Variants in IMMP2L observed in about 807,000 individuals in gnomAD.
The protein encoded by IMMP2L is mitochondrial inner membrane protease subunit 2.
In IMMP2L, 18 loss-of-function variants were observed where a neutral mutation model predicts 19.3. The ratio of observed to expected loss-of-function variants is 0.93; its 90% confidence interval spans 0.64 to 1.38. The LOEUF (loss-of-function observed/expected upper bound fraction) is 1.38. Among genes scored for constraint, IMMP2L ranks in the 40% most tolerant of loss-of-function variants. The pLI is 0.00. For synonymous variants in IMMP2L, 76 were observed against 73.0 expected (o/e 1.04, Z -0.21); for missense variants, 233 against 218.2 (o/e 1.07, Z -0.43).
intron 3 of IMMP2L, among the ~76,000 whole-genome samples, chr7:111,223,341 T>C (rs1812728371): frequency 6.6e-6 from 1 of 151,262 alleles, no homozygotes; most frequent in South Asian, 2.1e-4. Context: ...AACATGGATA[T>C]ATGTTATTAT....
chr7:111,459,769 T>G lies in IMMP2L; in HGVS notation c.239+27469A>C, dbSNP rs185896336. ...TAGCTTTTCCCTTAAAACATATCCT[T>G]TTTACTGATCAGAAATTCACCGGGA... is the stretch of plus-strand genomic sequence containing the variant. On this transcript the variant is annotated intron_variant, in intron 3 of 5. Transcript: ENST00000405709. Among the ~76,000 whole-genome samples the G allele has an allele frequency of 1.1e-3, 170 of 152,252 alleles. 1 individual carries two copies. Among genetic ancestry groups the G allele is most frequent in the South Asian group, 2.1e-3 (10 of 4,824 alleles).
chr7:110,833,432 T>C (rs1804147828), intron 5 of IMMP2L, among the ~76,000 whole-genome samples: 2 of 108,634 alleles, frequency 1.8e-5, no homozygotes, highest in Non-Finnish European at 3.8e-5. Context: ...AGAGTGAAAC[T>C]TCGTCTCAAA....
intron 5 of IMMP2L, among the ~76,000 whole-genome samples, chr7:110,802,035 A>G (rs572913766): frequency 3.3e-4 from 50 of 152,192 alleles, no homozygotes; most frequent in Admixed American, 6.5e-4. Context: ...AGCCCGGGGC[A>G]TACACCTGTA....
chr7:111,216,420 G>C (rs1811927403), intron 3 of IMMP2L, among the ~76,000 whole-genome samples: 2 of 152,058 alleles, frequency 1.3e-5, no homozygotes, highest in Non-Finnish European at 2.9e-5. Flanking sequence ...GTCAATTTAT[G>C]ACTGCATAAA....
At chr7:110,802,331 ATGTGTGTGTGTGTGTGTGTG>A (rs10545848) in intron 5 of IMMP2L, among the ~76,000 whole-genome samples, 1 of 147,080 alleles carries the variant, frequency 6.8e-6, no homozygotes, top group Non-Finnish European at 1.5e-5. Flanking sequence ...GTATGTGTGT[ATGTGTGTGTGTGTGTGTGTG>A]TGTGTGTGTG....
intron 5 of IMMP2L, among the ~76,000 whole-genome samples, chr7:110,839,384 T>C (rs1804823131): frequency 1.3e-5 from 2 of 152,140 alleles, no homozygotes; most frequent in South Asian, 2.1e-4. Context: ...TAATTCATTT[T>C]CAACTTAGGT....
chr7:111,062,796 C>T (rs1339706530), intron 3 of IMMP2L, among the ~76,000 whole-genome samples: 1 of 152,174 alleles, frequency 6.6e-6, no homozygotes, highest in African/African-American at 2.4e-5. Flanking sequence ...CTCCTTTGAC[C>T]CCATGTCTCA....
At chr7:111,309,993 G>C (rs1367996968) in intron 3 of IMMP2L, among the ~76,000 whole-genome samples, 3 of 152,052 alleles carry the variant, frequency 2.0e-5, no homozygotes, top group African/African-American at 7.2e-5. Context: ...CCAGCACTTT[G>C]GGAGGCCAAG....
intron 5 of IMMP2L, among the ~76,000 whole-genome samples, chr7:110,759,030 C>T (rs1047126463): frequency 1.3e-5 from 2 of 152,090 alleles, no homozygotes; most frequent in African/African-American, 4.8e-5. Context: ...CCTTAATACT[C>T]ACTGTAATTT....
chr7:111,188,018 C>T (rs893790378), intron 3 of IMMP2L, among the ~76,000 whole-genome samples: 1 of 151,660 alleles, frequency 6.6e-6, no homozygotes, highest in African/African-American at 2.4e-5. Flanking sequence ...TGGGATATGT[C>T]AGAGAAGGAG....
chr7:110,765,201 A>G (rs1405947143), intron 5 of IMMP2L, among the ~76,000 whole-genome samples: 1 of 152,170 alleles, frequency 6.6e-6, no homozygotes, highest in Admixed American at 6.6e-5. Flanking sequence ...TAAGAGGAAC[A>G]GTTTTCATTT....
At chr7:111,356,704 T>C (rs1026157440) in intron 3 of IMMP2L, among the ~76,000 whole-genome samples, 10 of 152,156 alleles carry the variant, frequency 6.6e-5, no homozygotes, top group African/African-American at 2.2e-4. Flanking sequence ...ATTGACAATT[T>C]TATAGTTATT....
At chr7:110,949,840 T>A (rs1817613813) in intron 4 of IMMP2L, among the ~76,000 whole-genome samples, 1 of 152,178 alleles carries the variant, frequency 6.6e-6, no homozygotes, top group African/African-American at 2.4e-5. Flanking sequence ...AGATAGCATT[T>A]GAGTACTTCC....
intron 4 of IMMP2L, among the ~76,000 whole-genome samples, chr7:110,914,008 T>G (rs924220881): frequency 6.6e-6 from 1 of 152,114 alleles, no homozygotes; most frequent in Non-Finnish European, 1.5e-5. Flanking sequence ...ACAGATATTA[T>G]CATTGTTTTG....
chr7:111,421,261 T>G (rs1267487276), intron 3 of IMMP2L, among the ~76,000 whole-genome samples: 2 of 142,002 alleles, frequency 1.4e-5, no homozygotes, highest in Non-Finnish European at 3.0e-5. Flanking sequence ...GGTTGTTTGT[T>G]TTTTTCTTTT....
At chr7:111,391,441 G>A (rs1832341985) in intron 3 of IMMP2L, among the ~76,000 whole-genome samples, 1 of 152,280 alleles carries the variant, frequency 6.6e-6, no homozygotes, top group South Asian at 2.1e-4. Context: ...GATGAAATAT[G>A]AGTGCAGAAA....
intron 3 of IMMP2L, among the ~76,000 whole-genome samples, chr7:111,211,816 AC>A (rs1267803404): frequency 6.6e-6 from 1 of 151,812 alleles, no homozygotes; most frequent in Non-Finnish European, 1.5e-5. Context: ...ACACGGTGAA[AC>A]CCCGTCTCTA....
chr7:110,750,078 C>G (rs1797628210), intron 5 of IMMP2L, among the ~76,000 whole-genome samples: 1 of 151,878 alleles, frequency 6.6e-6, no homozygotes, highest in Admixed American at 6.6e-5. Flanking sequence ...GTAAGGATTA[C>G]CTGGTTTAAG....
intron 3 of IMMP2L, among the ~76,000 whole-genome samples, chr7:111,481,800 G>A (rs1192330639): frequency 6.6e-6 from 1 of 152,146 alleles, no homozygotes; most frequent in African/African-American, 2.4e-5. Context: ...CAGGGATACA[G>A]CAGTGTACAA....
Sources: gnomAD v4.1 joint callset for allele counts (sites outside exome capture counted in the v4.1 genomes callset) on GRCh38, gnomAD v4.1.1 for gene constraint, MANE v1.5 for transcripts, NCBI Gene and HGNC (gene_info 2026-07-23, HGNC 2026-07-21) for gene names.